The following CROCC variants were observed in gnomAD, a reference collection of about 807,000 sequenced individuals.
The protein encoded by CROCC is rootletin.
In CROCC, 180 loss-of-function variants were observed where a neutral mutation model predicts 245.2. That is an observed-to-expected ratio of 0.73 (90% CI 0.65 to 0.83). The LOEUF (loss-of-function observed/expected upper bound fraction) is 0.83, where lower values mean the gene tolerates loss of function less well. Among genes scored for constraint, CROCC ranks in the 40% least tolerant of loss-of-function variants. CROCC has a pLI of 0.00. For synonymous variants in CROCC, 1,205 were observed against 1,241.6 expected (o/e 0.97, Z 0.62); for missense variants, 2,688 against 2,779.4 (o/e 0.97, Z 0.74).
chr1:16,944,813 T>C (rs1236951297), intron 14 of CROCC, among the ~76,000 whole-genome samples: 2 of 152,282 alleles, frequency 1.3e-5, no homozygotes, highest in African/African-American at 4.8e-5. Context: ...ACCACTGCGC[T>C]GCTTACCTCT....
At chr1:16,934,286 CT>C (rs1286164328) in intron 8 of CROCC, among the ~76,000 whole-genome samples, 1 of 152,144 alleles carries the variant, frequency 6.6e-6, no homozygotes, top group East Asian at 1.9e-4. Context: ...AGGATTTAAC[CT>C]GTATTATGGA....
At chr1:16,936,614 C>A (rs762084576) in intron 8 of CROCC, 23 bp from the exon 9 acceptor site, 4 of 1,557,168 alleles carry the variant, frequency 2.6e-6, no homozygotes, top group South Asian at 2.4e-5. Flanking sequence ...CCATCCATCC[C>A]CAGCCTGTGC....
rs2075645534 is a variant in CROCC, at chr1:16,930,435, C to T, written c.690C>T (p.Ala230=). The change falls in exon 7 of 37, where the codon GCC becomes GCT. Residue 230 remains alanine, a synonymous_variant. Coordinates refer to ENST00000375541, the MANE Select transcript of CROCC (RefSeq NM_014675.5). ...IRLEEEQQRS[A]SLAQVNAMLR... The stretch of plus-strand genomic sequence containing the variant: ...TCCCCTGTGCCCCATTCAGGAGTGC[C>T]AGCCTGGCCCAGGTGAATGCCATGC... The T allele has an allele frequency of 6.2e-7, 1 of 1,611,536 alleles. No homozygotes were observed. The highest frequency in any genetic ancestry group is 8.5e-7 in the Non-Finnish European group (1 of 1,179,772).
At chr1:16,969,363 G>A in intron 32 of CROCC, 23 bp downstream of exon 32, 1 of 1,596,188 alleles carries the variant, frequency 6.3e-7, no homozygotes, top group Non-Finnish European at 8.5e-7. Context: ...GGGTCTGGCT[G>A]GGGTGGGCCC....
At chr1:16,958,441 G>T in intron 25 of CROCC, 142 bp from the exon 26 acceptor site, 1 of 1,006,564 alleles carries the variant, frequency 9.9e-7, no homozygotes, top group Non-Finnish European at 1.5e-6. Context: ...CAGTGTGGTT[G>T]TGTAGGGGCC....
At chr1:16,926,522 C>G (rs909573004) in intron 3 of CROCC, among the ~76,000 whole-genome samples, 2 of 152,390 alleles carry the variant, frequency 1.3e-5, no homozygotes, top group African/African-American at 4.8e-5. Flanking sequence ...TCTGATCTTT[C>G]CAACCCTGCA....
chr1:16,972,240 C>T, intron 36 of CROCC, 120 bp from the exon 37 acceptor site: 2 of 806,020 alleles, frequency 2.5e-6, no homozygotes, highest in South Asian at 1.4e-5. Context: ...CCCTGGCTCT[C>T]AGTGAGACCA....
chr1:16,968,278 G>A lies in CROCC; in HGVS notation c.4936G>A (p.Ala1646Thr), dbSNP rs146913601. The change falls in exon 31 of 37, where the codon GCC becomes ACC. Residue 1646 changes from alanine to threonine, a missense_variant. Physicochemically the swap from Ala to Thr is moderately conservative, Grantham distance 58. Transcript: ENST00000375541. ...DKRRLKEVLD[A>T]SESRTVKLEL... ...GCGGCGCCTGAAGGAGGTTCTGGAC[G>A]CCTCCGAGAGCCGCACTGTCAAGCT... 83 of 1,557,118 alleles carry A rather than the reference G, an allele frequency of 5.3e-5. No individual in the cohort carries two copies. Among genetic ancestry groups the A allele is most frequent in the South Asian group, 2.1e-4 (18 of 84,406 alleles).
chr1:16,950,607 C>T (rs552688427), intron 19 of CROCC, among the ~76,000 whole-genome samples: 1 of 152,342 alleles, frequency 6.6e-6, no homozygotes, highest in South Asian at 2.1e-4. Flanking sequence ...ATCCACCTGC[C>T]CCAGCTTCCC....
intron 26 of CROCC, among the ~76,000 whole-genome samples, chr1:16,960,332 G>A (rs140613714): frequency 6.6e-6 from 1 of 152,262 alleles, no homozygotes; most frequent in African/African-American, 2.4e-5. Flanking sequence ...AGAGTGCCTG[G>A]CTTTGAATCC....
In CROCC at chr1:16,950,637, C is replaced by A. The variant is rs187399946; in HGVS notation, c.2837-316C>A. 1.1e-4 allele frequency among the ~76,000 whole-genome samples: 16 copies of A among 152,244 alleles called. 1 individual carries two copies. The highest frequency in any genetic ancestry group is 4.1e-4 in the South Asian group (2 of 4,836). On this transcript the variant is annotated intron_variant, in intron 19 of 36. Transcript: ENST00000375541. The stretch of plus-strand genomic sequence containing the variant: ...CTTCCCAAAGTGCTGGGATTACAGG[C>A]GTGAGCCAAGGCACCTGACCTAGGG...
intron 10 of CROCC, 34 bp from the exon 11 acceptor site, chr1:16,938,366 C>G: frequency 6.5e-7 from 1 of 1,536,812 alleles, no homozygotes; most frequent in South Asian, 1.2e-5. Context: ...AGACAGAACC[C>G]CAACCACCCT....
Position 16,921,931 on chromosome 1 carries a change from A to G in CROCC, c.-88A>G. On this transcript the variant is annotated 5_prime_UTR_variant, in exon 1 of 37. Coordinates refer to ENST00000375541, the MANE Select transcript of CROCC (RefSeq NM_014675.5). ...AAGCTTAATCTGCCTGGTGCTCAGC[A>G]CAGCATCCTGGCTGTGGCGCGTGCT... 3 of 1,349,796 alleles carry G rather than the reference A, an allele frequency of 2.2e-6. No individual in the cohort carries two copies. In the South Asian group the frequency reaches 3.8e-5, roughly 17 times the overall value. 83.6% of individuals were successfully genotyped at this position (1,349,796 alleles called of 1,614,324 possible). A position where few individuals can be genotyped will look rare whatever the true frequency, so the allele number is the denominator to read the frequency against.
intron 11 of CROCC, 68 bp from the exon 12 acceptor site, chr1:16,938,841 T>A: frequency 6.8e-7 from 1 of 1,481,296 alleles, no homozygotes; most frequent in Non-Finnish European, 9.3e-7. Flanking sequence ...CACCTGGGCG[T>A]CTTTGCCCAG....
rs1386813876 is a variant in CROCC at position 16,922,434 on chromosome 1, C to T, written c.61-229C>T. Among the ~76,000 whole-genome samples, 3 of 152,382 alleles carry T rather than the reference C, an allele frequency of 2.0e-5. No individual in the cohort carries two copies. The East Asian group carries it at 5.8e-4, about 29-fold the overall frequency. ...CCTCCAGTGGGGTTTGGGAGTTACC[C>T]GTAGGGTTTGGTTCTCATCTCTGGC... On this transcript the variant is annotated intron_variant, in intron 1 of 36. Coordinates refer to ENST00000375541, the MANE Select transcript of CROCC (RefSeq NM_014675.5).
intron 17 of CROCC, among the ~76,000 whole-genome samples, chr1:16,947,384 G>A (rs368704467): frequency 9.2e-3 from 1,399 of 151,914 alleles, no homozygotes; most frequent in African/African-American, 0.033. Flanking sequence ...CAGGAGAATC[G>A]CTTGAACCCA....
intron 27 of CROCC, among the ~76,000 whole-genome samples, chr1:16,962,828 G>A (rs914868100): frequency 6.6e-6 from 1 of 151,530 alleles, no homozygotes; most frequent in African/African-American, 2.4e-5. Flanking sequence ...GGGAACAGAT[G>A]ATGGTGATGG....
In CROCC at chr1:16,968,213, G is replaced by A. The variant is rs1437859046; in HGVS notation, c.4871G>A (p.Ser1624Asn). ...SELRASQEKI[S>N]KMKANETKLE... The stretch of plus-strand genomic sequence containing the variant: ...CCATGCCACCTGCAGGAGAAGATCA[G>A]CAAGATGAAGGCCAATGAGACAAAG... Residue 1624 changes from serine to asparagine, a missense_variant, in exon 31 of 37, where the codon AGC becomes AAC. Ser to Asn is a conservative substitution (Grantham distance 46). This residue lies in a region of CROCC where 1,218 missense variants were observed against 1,286.3 expected (regional missense o/e 0.95). Coordinates refer to ENST00000375541, the MANE Select transcript of CROCC (RefSeq NM_014675.5). 1.3e-6 allele frequency: 2 copies of A among 1,563,922 alleles called. No individual in the cohort carries two copies. Among genetic ancestry groups the A allele is most frequent in the Non-Finnish European group, 8.7e-7 (1 of 1,155,550 alleles).
At chr1:16,914,247 C>G (rs1197702596) in intron 1 of CROCC, among the ~76,000 whole-genome samples, 2 of 152,124 alleles carry the variant, frequency 1.3e-5, no homozygotes, top group African/African-American at 2.4e-5. Flanking sequence ...GCTGGGGGCG[C>G]TGTGTGTTCC....
Sources: allele counts gnomAD v4.1 joint callset (sites outside exome capture counted in the v4.1 genomes callset), GRCh38; gene constraint gnomAD v4.1.1; regional missense constraint gnomAD v4.1.1; transcripts MANE v1.5; gene names NCBI Gene and HGNC (gene_info 2026-07-23, HGNC 2026-07-21).